The following DOCK3 variants were observed in gnomAD, a reference collection of about 807,000 sequenced individuals.
DOCK3 encodes dedicator of cytokinesis protein 3.
Under a neutral mutation model 265.6 loss-of-function variants are expected in DOCK3, and 60 were observed. That is an observed-to-expected ratio of 0.23 (90% confidence interval 0.18 to 0.28). The LOEUF is 0.28. Among genes scored for constraint, DOCK3 ranks in the 10% least tolerant of loss-of-function variants. DOCK3 has a pLI of 1.00. For synonymous variants in DOCK3, 881 were observed against 938.0 expected (o/e 0.94, Z 1.11); for missense variants, 1,981 against 2,594.3 (o/e 0.76, Z 5.14).
Position 51,018,456 on chromosome 3 carries a change from G to T in DOCK3, c.316-45992G>T, listed in dbSNP as rs1360477451. 8.2e-5 allele frequency among the ~76,000 whole-genome samples: 11 copies of T among 134,784 alleles called. No homozygotes were observed. The South Asian group carries it at 1.9e-3, about 24-fold the overall frequency. 88.4% of individuals were successfully genotyped at this position (134,784 alleles called of 152,430 possible). On this transcript the variant is annotated intron_variant, in intron 5 of 52. Coordinates refer to ENST00000266037, the MANE Select transcript of DOCK3 (RefSeq NM_004947.5). The stretch of plus-strand genomic sequence containing the variant: ...CCACAAAAAAGTTTTTTTTTTTTAA[G>T]TAAAATTAAAAAAAAAAAAGAACAC...
intron 5 of DOCK3, among the ~76,000 whole-genome samples, chr3:50,959,160 A>C (rs941687630): frequency 6.6e-6 from 1 of 152,200 alleles, no homozygotes; most frequent in Non-Finnish European, 1.5e-5. Context: ...TATACTGTGC[A>C]GACTTTTGCA....
intron 38 of DOCK3, among the ~76,000 whole-genome samples, chr3:51,347,094 G>T (rs868722846): frequency 2.0e-5 from 3 of 152,306 alleles, no homozygotes; most frequent in Admixed American, 6.5e-5. Flanking sequence ...TAGGTTGCCT[G>T]TTCACTCTGA....
chr3:51,379,572 G>GT (rs2088443836), intron 51 of DOCK3: 1 of 985,372 alleles, frequency 1.0e-6, no homozygotes, highest in Non-Finnish European at 1.2e-6. Context: ...CTGCTGCATG[G>GT]TAAGAAGACC....
intron 12 of DOCK3, among the ~76,000 whole-genome samples, chr3:51,197,347 A>G (rs2088366970): frequency 6.6e-6 from 1 of 152,136 alleles, no homozygotes; most frequent in Non-Finnish European, 1.5e-5. Flanking sequence ...GGATTGCACA[A>G]GTGGGCAGAG....
At chr3:51,308,415 T>C (rs941176564) in intron 27 of DOCK3, among the ~76,000 whole-genome samples, 2 of 151,762 alleles carry the variant, frequency 1.3e-5, no homozygotes, top group South Asian at 2.1e-4. Flanking sequence ...GGAGTGGTGA[T>C]GACTCTTAAC....
intron 27 of DOCK3, among the ~76,000 whole-genome samples, chr3:51,291,834 T>C (rs1019835266): frequency 2.0e-5 from 3 of 152,162 alleles, no homozygotes; most frequent in Non-Finnish European, 4.4e-5. Context: ...ATTAATATGA[T>C]GCAAAAGTCC....
At position 51,357,139 on chromosome 3, in the gene DOCK3, G is replaced by A; in HGVS notation, c.4681G>A (p.Glu1561Lys). ...CAATGGAGGCATTGCACGCTATCAG[G>A]AGGTAAGCTGTGGCCACAGGCCAAA... Reference protein sequence around the residue: ...AVNGGIARYQEAFFDKDYINK... With the variant: ...AVNGGIARYQKAFFDKDYINK... The change falls in exon 44 of 53, where the codon GAG (glutamate) becomes AAG (lysine). Residue 1561 changes from glutamate (E) to lysine (K), a missense_variant and splice_region_variant. Glu to Lys is a moderately conservative substitution (Grantham distance 56, BLOSUM62 1). Transcript: ENST00000266037. 1 of 1,611,464 alleles carries A rather than the reference G, an allele frequency of 6.2e-7. No individual in the cohort carries two copies. The highest frequency in any genetic ancestry group is 8.5e-7 in the Non-Finnish European group (1 of 1,179,514).
At position 51,277,774 on chromosome 3, in the gene DOCK3, GT is replaced by G. The variant is rs776394764; in HGVS notation, c.2823+24del. 4 of 1,604,022 alleles carry G rather than the reference GT, an allele frequency of 2.5e-6. No individual in the cohort carries two copies. In the East Asian group the frequency reaches 9.0e-5, roughly 36 times the overall value. ...ATCACTGTTAGTAACTAACATCCAGGTTTTCTTGCCTTCTTTTCTAACCCGG... is the reference window on the plus strand; with the variant it reads ...ATCACTGTTAGTAACTAACATCCAGGTTTCTTGCCTTCTTTTCTAACCCGG... On this transcript the variant is annotated intron_variant, in intron 26 of 52. Transcript: ENST00000266037.
At position 51,016,524 on chromosome 3, in the gene DOCK3, TATATA is replaced by T. The variant is rs1262532265; in HGVS notation, c.316-47918_316-47914del. On this transcript the variant is annotated intron_variant, in intron 5 of 52. Transcript: ENST00000266037. ...ACATAATATATATATCATATATTTC[TATATA>T]ATATATGATATATATATTTATATAT... Among the ~76,000 whole-genome samples, 22 of 62,362 alleles carry T rather than the reference TATATA, an allele frequency of 3.5e-4. 3 individuals carry two copies. Among genetic ancestry groups the T allele is most frequent in the African/African-American group, 1.5e-3 (18 of 12,018 alleles). The allele number at this position is 62,362 out of a possible 152,430, so 40.9% of individuals were successfully genotyped here. A position where few individuals can be genotyped will look rare whatever the true frequency, so the allele number is the denominator to read the frequency against.
At chr3:50,872,533 C>T (rs1308712255) in intron 3 of DOCK3, among the ~76,000 whole-genome samples, 1 of 152,218 alleles carries the variant, frequency 6.6e-6, no homozygotes, top group African/African-American at 2.4e-5. Flanking sequence ...GTTGTAACCA[C>T]TCCCGGGCTA....
chr3:51,062,820 A>G (rs2081458058), intron 5 of DOCK3, among the ~76,000 whole-genome samples: 1 of 152,258 alleles, frequency 6.6e-6, no homozygotes, highest in African/African-American at 2.4e-5. Flanking sequence ...TTTTATCAAT[A>G]TGAAACGTAT....
At chr3:51,030,132 C>T (rs2079988705) in intron 5 of DOCK3, among the ~76,000 whole-genome samples, 1 of 152,126 alleles carries the variant, frequency 6.6e-6, no homozygotes. Flanking sequence ...TTTCTGTGCG[C>T]CCCACTTCTT....
intron 52 of DOCK3, among the ~76,000 whole-genome samples, chr3:51,380,766 T>G (rs1197284363): frequency 1.3e-5 from 2 of 152,122 alleles, no homozygotes; most frequent in African/African-American, 2.4e-5. Context: ...TTTATGTCAG[T>G]ATCCCAGAGC....
At chr3:50,831,636 G>A (rs1271817011) in intron 2 of DOCK3, among the ~76,000 whole-genome samples, 1 of 152,096 alleles carries the variant, frequency 6.6e-6, no homozygotes, top group Non-Finnish European at 1.5e-5. Flanking sequence ...TCATTGATGG[G>A]CATTTGGGTT....
At chr3:50,693,951 A>G (rs2035437004) in intron 1 of DOCK3, among the ~76,000 whole-genome samples, 3 of 152,078 alleles carry the variant, frequency 2.0e-5, no homozygotes, top group South Asian at 4.1e-4. Context: ...TAGGCCTTAA[A>G]CAAATACTTT....
chr3:50,805,670 G>A (rs548341740), intron 2 of DOCK3, among the ~76,000 whole-genome samples: 4 of 151,874 alleles, frequency 2.6e-5, no homozygotes, highest in Non-Finnish European at 5.9e-5. Flanking sequence ...CACAGGGCCT[G>A]TTTCTCCAGC....
intron 5 of DOCK3, among the ~76,000 whole-genome samples, chr3:50,935,157 G>A (rs574683002): frequency 6.6e-6 from 1 of 152,300 alleles, no homozygotes; most frequent in South Asian, 2.1e-4. Flanking sequence ...GCCAAGGAAA[G>A]CCTGTTCTCT....
At chr3:51,057,052 A>G (rs1365124584) in intron 5 of DOCK3, among the ~76,000 whole-genome samples, 3 of 152,178 alleles carry the variant, frequency 2.0e-5, no homozygotes, top group Non-Finnish European at 2.9e-5. Context: ...AATAAAGGTA[A>G]TATACTTTCT....
At chr3:50,841,067 C>G (rs754651957) in intron 2 of DOCK3, among the ~76,000 whole-genome samples, 3 of 152,154 alleles carry the variant, frequency 2.0e-5, no homozygotes, top group Admixed American at 6.5e-5. Flanking sequence ...GAAACTATAG[C>G]AAACCTCTGA....
Sources: allele counts gnomAD v4.1 joint callset (sites outside exome capture counted in the v4.1 genomes callset), GRCh38; gene constraint gnomAD v4.1.1; transcripts MANE v1.5; gene names NCBI Gene and HGNC (gene_info 2026-07-23, HGNC 2026-07-21).